Variants in CPXM2 observed in about 807,000 individuals in gnomAD.
CPXM2 encodes the protein carboxypeptidase X, M14 family member 2, also known as inactive carboxypeptidase-like protein X2.
A neutral mutation model predicts 86.1 loss-of-function variants in CPXM2; 66 were observed. The observed-to-expected ratio is 0.77, with a 90% CI of 0.63 to 0.94. CPXM2 has a LOEUF of 0.94. CPXM2 is among the 40% of genes least tolerant of loss of function. The pLI, the probability that CPXM2 is intolerant of heterozygous loss-of-function variation, is 0.00. For missense variants in CPXM2, 948 were observed against 1,026.3 expected, an observed-to-expected ratio of 0.92 and a Z score of 1.04; for synonymous variants, 388 against 400.2, an observed-to-expected ratio of 0.97 and a Z score of 0.36.
chr10:123,750,827 T>C lies in CPXM2; in HGVS notation c.2018-3810A>G, dbSNP rs529660250. The stretch of plus-strand genomic sequence containing the variant: ...GACATGGATCTGCCTGATGCCCTCA[T>C]TGGCCTGGCAGGGCACGCTGTCCTC... On this transcript the variant is annotated intron_variant, in intron 13 of 13. Transcript: ENST00000241305. The C allele has an allele frequency of 1.1e-5, 11 of 985,452 alleles. No individual in the cohort carries two copies. The South Asian group carries it at 1.9e-4, about 17-fold the overall frequency. 61.0% of individuals were successfully genotyped at this position (985,452 alleles called of 1,614,324 possible).
rs542426639 is a variant in CPXM2 at position 123,876,708 on chromosome 10, C to A, written c.403+3503G>T. ...TACTAAAGCATAAAATATTTACAATCTGATCCTTTAAAGAAGTTTGCCAGC... is the reference window on the plus strand; with the variant it reads ...TACTAAAGCATAAAATATTTACAATATGATCCTTTAAAGAAGTTTGCCAGC... On this transcript the variant is annotated intron_variant, in intron 2 of 13. Transcript: ENST00000241305. 5.3e-5 allele frequency among the ~76,000 whole-genome samples: 8 copies of A among 152,266 alleles called. No individual in the cohort carries two copies. In the South Asian group the frequency reaches 1.7e-3, roughly 32 times the overall value.
rs2134027960 is a variant in CPXM2 at position 123,780,236 on chromosome 10, GT to G, written c.908del (p.His303ProfsTer6). ...CPLPDPNNYY[H>X]RRNEMTTTDD... Reference sequence around the variant, plus strand: ...CAGTGGTGGTCATCTCGTTCCGGCGGTGATAATAATTATTAGGATCTAGGGA... The same window carrying G: ...CAGTGGTGGTCATCTCGTTCCGGCGGGATAATAATTATTAGGATCTAGGGA... On this transcript the variant is annotated frameshift_variant, in exon 7 of 14. Coordinates refer to ENST00000241305, the MANE Select transcript of CPXM2 (RefSeq NM_198148.3). LOFTEE classifies it high-confidence loss of function. The G allele has an allele frequency of 6.2e-7, 1 of 1,607,362 alleles. No individual in the cohort carries two copies. Among genetic ancestry groups the G allele is most frequent in the East Asian group, 2.2e-5 (1 of 44,838 alleles).
intron 2 of CPXM2, among the ~76,000 whole-genome samples, chr10:123,870,114 T>C (rs557672806): frequency 1.7e-4 from 26 of 152,262 alleles, no homozygotes; most frequent in Admixed American, 1.5e-3. Flanking sequence ...TCATTGTATC[T>C]GTACAATGAC....
chr10:123,905,488 C>T (rs977210625), intron 2 of CPXM2, among the ~76,000 whole-genome samples: 12 of 152,164 alleles, frequency 7.9e-5, no homozygotes, highest in African/African-American at 2.9e-4. Context: ...ATGACCCTGC[C>T]GTTTGAGCCC....
At chr10:123,799,042 A>G in intron 5 of CPXM2, 73 bp downstream of exon 5, 1 of 1,529,294 alleles carries the variant, frequency 6.5e-7, no homozygotes, top group Non-Finnish European at 9.0e-7. Flanking sequence ...AGAGTTGATC[A>G]TACATTGCCT....
At chr10:123,771,790 A>AACATC (rs1347058882) in intron 7 of CPXM2, among the ~76,000 whole-genome samples, 3 of 152,096 alleles carry the variant, frequency 2.0e-5, no homozygotes, top group Non-Finnish European at 4.4e-5. Flanking sequence ...TGTTCTTCTG[A>AACATC]TAGTGAGTTC....
chr10:123,817,387 G>A (rs757731119), intron 4 of CPXM2, among the ~76,000 whole-genome samples: 12 of 152,120 alleles, frequency 7.9e-5, no homozygotes, highest in South Asian at 2.1e-4. Context: ...CTAGGATTTT[G>A]GAGCAAGGCC....
chr10:123,786,074 T>A lies in CPXM2; in HGVS notation c.890-5819A>T, dbSNP rs531223714. Among the ~76,000 whole-genome samples, 9 of 152,376 alleles carry A rather than the reference T, an allele frequency of 5.9e-5. No homozygotes were observed. In the South Asian group the frequency reaches 1.9e-3, roughly 32 times the overall value. On this transcript the variant is annotated intron_variant, in intron 6 of 13. Coordinates refer to ENST00000241305, the MANE Select transcript of CPXM2 (RefSeq NM_198148.3). ...CACAGTATATGAGAAAGCAATCTCA[T>A]GATCCCATCTTGGGCTAGATATGAC...
chr10:123,917,874 G>A lies in CPXM2; in HGVS notation n.174+21603C>T, dbSNP rs1590121555. Among the ~76,000 whole-genome samples, 3 of 152,320 alleles carry A rather than the reference G, an allele frequency of 2.0e-5. No individual in the cohort carries two copies. The South Asian group carries it at 6.2e-4, about 32-fold the overall frequency. On this transcript the variant is annotated intron_variant and non_coding_transcript_variant, in intron 2 of 19. Coordinates refer to the CPXM2 transcript ENST00000368854. ...AATCTTTATTGAACAGCTACTCTGT[G>A]CCAGACATTGTCCTGGCTGCTGGGG...
intron 3 of CPXM2, among the ~76,000 whole-genome samples, chr10:123,850,064 A>G (rs1848570090): frequency 6.6e-6 from 1 of 152,186 alleles, no homozygotes; most frequent in Admixed American, 6.5e-5. Context: ...CTTCTGCTCA[A>G]TATTTATTAT....
intron 6 of CPXM2, among the ~76,000 whole-genome samples, chr10:123,789,188 C>A (rs890718531): frequency 5.3e-5 from 8 of 152,180 alleles, no homozygotes; most frequent in African/African-American, 1.9e-4. Flanking sequence ...AGCAAGGCCA[C>A]GAGAGACCCA....
intron 4 of CPXM2, among the ~76,000 whole-genome samples, chr10:123,839,187 C>T (rs527933793): frequency 3.3e-5 from 5 of 152,224 alleles, no homozygotes; most frequent in East Asian, 1.9e-4. Context: ...TTTATGAGAT[C>T]GAGAGTAGTT....
At chr10:123,766,901 T>C (rs1846489468) in intron 10 of CPXM2, 72 bp downstream of exon 10, 3 of 1,215,546 alleles carry the variant, frequency 2.5e-6, no homozygotes, top group South Asian at 2.5e-5. Flanking sequence ...AAATGTGCTA[T>C]CCTCTGCAAA....
intron 4 of CPXM2, among the ~76,000 whole-genome samples, chr10:123,809,060 C>T (rs969772325): frequency 3.9e-5 from 6 of 152,130 alleles, no homozygotes; most frequent in Non-Finnish European, 8.8e-5. Context: ...TCATCCTGCT[C>T]AGGACGTGAA....
chr10:123,776,477 T>A (rs1322244967), intron 7 of CPXM2, among the ~76,000 whole-genome samples: 1 of 152,214 alleles, frequency 6.6e-6, no homozygotes, highest in East Asian at 1.9e-4. Flanking sequence ...AAATTTTTCA[T>A]AAAGATGGTA....
chr10:123,846,571 G>A (rs1005198612), intron 3 of CPXM2, among the ~76,000 whole-genome samples: 4 of 152,142 alleles, frequency 2.6e-5, no homozygotes, highest in Admixed American at 6.5e-5. Flanking sequence ...GTCTGTGGAC[G>A]GGGGACTTGG....
chr10:123,929,777 C>A (rs939992598), intron 2 of CPXM2, among the ~76,000 whole-genome samples: 1 of 152,174 alleles, frequency 6.6e-6, no homozygotes, highest in Non-Finnish European at 1.5e-5. Context: ...TGTCTTAGAG[C>A]GGGGTGTGCA....
rs112102125 is a variant in CPXM2 at position 123,754,884 on chromosome 10, C to T, written c.1918-122G>A. 1.6e-3 allele frequency: 1,087 copies of T among 678,752 alleles called. 12 individuals carry two copies. In the African/African-American group the frequency reaches 0.017, roughly 11 times the overall value. The allele number at this position is 678,752 out of a possible 1,614,324, so 42.0% of individuals were successfully genotyped here. A position where few individuals can be genotyped will look rare whatever the true frequency, so the allele number is the denominator to read the frequency against. On this transcript the variant is annotated intron_variant, in intron 12 of 13. Coordinates refer to ENST00000241305, the MANE Select transcript of CPXM2 (RefSeq NM_198148.3). This position sits in a 1 kb window ranked among gnomAD's most constrained non-coding sequence, Gnocchi z 4.0. ...CCCACCAAGAACTCACACAGCACCACGTCTTGCTCAGAAGGCTTGGAACCG... is the reference window on the plus strand; with the variant it reads ...CCCACCAAGAACTCACACAGCACCATGTCTTGCTCAGAAGGCTTGGAACCG...
At chr10:123,855,329 T>G (rs1255319983) in intron 3 of CPXM2, among the ~76,000 whole-genome samples, 1 of 151,980 alleles carries the variant, frequency 6.6e-6, no homozygotes, top group Non-Finnish European at 1.5e-5. Flanking sequence ...GAAGAACTTG[T>G]GAGACACAGT....
Sources: allele counts gnomAD v4.1 joint callset (sites outside exome capture counted in the v4.1 genomes callset), GRCh38; gene constraint gnomAD v4.1.1; non-coding constraint Gnocchi (gnomAD v3.1); transcripts MANE v1.5; gene names NCBI Gene and HGNC (gene_info 2026-07-23, HGNC 2026-07-21).